Variants in DPP10 observed in about 807,000 individuals in gnomAD.
DPP10 encodes the protein inactive dipeptidyl peptidase 10.
A neutral mutation model predicts 120.9 loss-of-function variants in DPP10; 33 were observed. The observed-to-expected ratio is 0.27, with a 90% CI of 0.21 to 0.37. The LOEUF (loss-of-function observed/expected upper bound fraction) is 0.37, where lower values mean the gene tolerates loss of function less well. DPP10 is among the 10% of genes least tolerant of loss of function. The pLI is 1.00. For missense variants in DPP10, 816 were observed against 942.8 expected (o/e 0.87, Z 1.76); for synonymous variants, 337 against 326.1 (o/e 1.03, Z -0.36).
At chr2:115,388,816 C>T (rs60048252) in intron 3 of DPP10, among the ~76,000 whole-genome samples, 2,559 of 152,156 alleles carry the variant, frequency 0.017, 74 homozygotes, top group African/African-American at 0.058. Context: ...CAAAGAATTT[C>T]CAATGAATGT....
At chr2:115,018,087 C>T (rs549518341) in intron 1 of DPP10, among the ~76,000 whole-genome samples, 33 of 151,650 alleles carry the variant, frequency 2.2e-4, no homozygotes, top group Non-Finnish European at 3.1e-4. Flanking sequence ...GACATTTATG[C>T]GGCCAACAAA....
At chr2:114,595,147 G>T (rs1691803952) in intron 1 of DPP10, among the ~76,000 whole-genome samples, 1 of 152,028 alleles carries the variant, frequency 6.6e-6, no homozygotes, top group African/African-American at 2.4e-5. Flanking sequence ...TCTACCTAAA[G>T]TCCCGTCTCC....
intron 1 of DPP10, among the ~76,000 whole-genome samples, chr2:114,866,715 T>C (rs1328203118): frequency 6.6e-6 from 1 of 152,166 alleles, no homozygotes; most frequent in East Asian, 1.9e-4. Flanking sequence ...ATGCAAAAAA[T>C]TGCATAAGTA....
At chr2:114,583,804 T>C (rs544158782) in intron 1 of DPP10, among the ~76,000 whole-genome samples, 53 of 152,220 alleles carry the variant, frequency 3.5e-4, no homozygotes, top group Non-Finnish European at 6.6e-4. Context: ...TAAGATAACG[T>C]ATTTCAAAGA....
chr2:114,782,513 C>T (rs112800533), intron 1 of DPP10, among the ~76,000 whole-genome samples: 141 of 151,922 alleles, frequency 9.3e-4, no homozygotes, highest in African/African-American at 3.3e-3. Flanking sequence ...TCTGAAGGCA[C>T]CCATTTGAGT....
intron 1 of DPP10, among the ~76,000 whole-genome samples, chr2:114,598,724 C>G (rs1692126572): frequency 6.6e-6 from 1 of 151,828 alleles, no homozygotes; most frequent in Admixed American, 6.6e-5. Context: ...ACATGGAGAT[C>G]ATTGATGGTC....
chr2:114,765,276 A>C (rs1680610522), intron 1 of DPP10, among the ~76,000 whole-genome samples: 1 of 152,200 alleles, frequency 6.6e-6, no homozygotes, highest in East Asian at 1.9e-4. Flanking sequence ...AATGCATATA[A>C]AAACTTGATG....
At chr2:115,128,863 A>C (rs1302228551) in intron 1 of DPP10, among the ~76,000 whole-genome samples, 3 of 152,222 alleles carry the variant, frequency 2.0e-5, no homozygotes, top group Admixed American at 1.3e-4. Flanking sequence ...AAATATTTTT[A>C]CACGTCGAGA....
rs1690237901 is a variant in DPP10 at position 115,842,320 on chromosome 2, C to G, written c.2366C>G (p.Pro789Arg). The G allele has an allele frequency of 6.2e-7, 1 of 1,613,644 alleles. No individual in the cohort carries two copies. Among genetic ancestry groups the G allele is most frequent in the Admixed American group, 1.7e-5 (1 of 59,984 alleles). ...DCLKEEISVL[P>R]QEPEEDE ...TTGAAGGAAGAAATATCTGTGCTAC[C>G]ACAGGAACCAGAAGAAGATGAATAA... Residue 789 changes from proline to arginine, a missense_variant, in exon 26 of 26, where the codon CCA (proline) becomes CGA (arginine). Pro to Arg is a moderately radical substitution (Grantham distance 103). Transcript: ENST00000410059.
rs556120867 is a variant in DPP10, at chr2:115,403,202, C to T, written c.271+59290C>T. Among the ~76,000 whole-genome samples the T allele has an allele frequency of 9.4e-4, 143 of 151,504 alleles. 1 individual carries two copies. The highest frequency in any genetic ancestry group is 3.2e-3 in the African/African-American group (131 of 41,324). Reference sequence around the variant, plus strand: ...AAAGCATTTAAGAAAACTCAGCACCCTTTTCTTATAAAAATTCTCAACAAT... The same window carrying T: ...AAAGCATTTAAGAAAACTCAGCACCTTTTTCTTATAAAAATTCTCAACAAT... On this transcript the variant is annotated intron_variant, in intron 3 of 25. Transcript: ENST00000410059.
At chr2:115,519,607 A>C (rs2148872504) in intron 4 of DPP10, among the ~76,000 whole-genome samples, 1 of 152,346 alleles carries the variant, frequency 6.6e-6, no homozygotes, top group Admixed American at 6.5e-5. Context: ...GCTACAGAGA[A>C]CAATCAAGCC....
chr2:114,848,986 T>G (rs13424844), intron 1 of DPP10, among the ~76,000 whole-genome samples: 29,179 of 152,106 alleles, frequency 0.19, 4,025 homozygotes, highest in African/African-American at 0.39. Flanking sequence ...TGATGGGAAG[T>G]ACTATCTGGG....
At chr2:115,839,335 G>T (rs559438623) in intron 24 of DPP10, among the ~76,000 whole-genome samples, 4 of 152,212 alleles carry the variant, frequency 2.6e-5, no homozygotes, top group African/African-American at 7.2e-5. Context: ...CATTAAAGAG[G>T]CTTAAACTAT....
At chr2:114,620,943 C>A (rs1484282304) in intron 1 of DPP10, among the ~76,000 whole-genome samples, 1 of 151,996 alleles carries the variant, frequency 6.6e-6, no homozygotes, top group Non-Finnish European at 1.5e-5. Flanking sequence ...AATATTGTAT[C>A]TCTACCAAGA....
chr2:115,235,274 C>T (rs913542743), intron 1 of DPP10, among the ~76,000 whole-genome samples: 2 of 152,014 alleles, frequency 1.3e-5, no homozygotes, highest in African/African-American at 2.4e-5. Context: ...GGACAATAGA[C>T]GTAATGATGT....
intron 2 of DPP10, among the ~76,000 whole-genome samples, chr2:115,339,883 T>C (rs1009271853): frequency 6.6e-6 from 1 of 152,212 alleles, no homozygotes; most frequent in African/African-American, 2.4e-5. Flanking sequence ...GCTGGTCACC[T>C]GTGATGCAGT....
At chr2:115,449,209 G>A (rs1278251040) in intron 3 of DPP10, among the ~76,000 whole-genome samples, 1 of 152,048 alleles carries the variant, frequency 6.6e-6, no homozygotes, top group African/African-American at 2.4e-5. Context: ...TTCTAAATAA[G>A]TTAATAAATT....
intron 1 of DPP10, among the ~76,000 whole-genome samples, chr2:114,894,223 T>C (rs988950900): frequency 6.6e-6 from 1 of 152,204 alleles, no homozygotes; most frequent in African/African-American, 2.4e-5. Context: ...TAAGAGGTAA[T>C]AGTAATTTAC....
chr2:115,741,439 T>C (rs1559098038), intron 9 of DPP10, among the ~76,000 whole-genome samples: 1 of 151,864 alleles, frequency 6.6e-6, no homozygotes, highest in Non-Finnish European at 1.5e-5. Flanking sequence ...TTTTTTTTTT[T>C]GGCATGACAG....
Sources: gnomAD v4.1 joint callset for allele counts (sites outside exome capture counted in the v4.1 genomes callset) on GRCh38, gnomAD v4.1.1 for gene constraint, MANE v1.5 for transcripts, NCBI Gene and HGNC (gene_info 2026-07-23, HGNC 2026-07-21) for gene names.